C9: variants seen among roughly 807,000 people sequenced by gnomAD.
C9 encodes complement component C9.
A neutral mutation model predicts 65.4 loss-of-function variants in C9; 63 were observed. That is an observed-to-expected ratio of 0.96 (90% CI 0.79 to 1.19). The LOEUF (loss-of-function observed/expected upper bound fraction) is 1.19. Ranked by LOEUF, C9 falls within the 50% of genes most tolerant of loss-of-function variation. The pLI is 0.00. For synonymous variants in C9, 229 were observed against 227.9 expected, an observed-to-expected ratio of 1.00 and a Z score of -0.04; for missense variants, 744 against 670.1, an observed-to-expected ratio of 1.11 and a Z score of -1.22.
At chr5:39,313,238 CT>C (rs1350079076) in intron 6 of C9, among the ~76,000 whole-genome samples, 1 of 152,142 alleles carries the variant, frequency 6.6e-6, no homozygotes, top group Non-Finnish European at 1.5e-5. Flanking sequence ...GTTTTCTATA[CT>C]GTATATTTTG....
chr5:39,310,541 C>T (rs754190739), intron 7 of C9, among the ~76,000 whole-genome samples: 4 of 152,090 alleles, frequency 2.6e-5, no homozygotes, highest in Admixed American at 2.6e-4. Flanking sequence ...TAACCATGGC[C>T]CTTTTCCCCA....
intron 1 of C9, among the ~76,000 whole-genome samples, chr5:39,350,604 G>T (rs1754305048): frequency 6.6e-6 from 1 of 152,190 alleles, no homozygotes; most frequent in Admixed American, 6.5e-5. Context: ...TCAGCCAAGA[G>T]ATAGGGGCTA....
At chr5:39,303,423 A>G (rs1406355893) in intron 9 of C9, among the ~76,000 whole-genome samples, 5 of 151,890 alleles carry the variant, frequency 3.3e-5, no homozygotes. Flanking sequence ...GGGCCTCAAA[A>G]CCACAGGTTC....
intron 9 of C9, among the ~76,000 whole-genome samples, chr5:39,294,011 G>A (rs1343248698): frequency 6.6e-6 from 1 of 151,758 alleles, no homozygotes; most frequent in African/African-American, 2.4e-5. Context: ...TGAAATAAAT[G>A]AAAATAGAAA....
chr5:39,329,442 A>C (rs78474025), intron 5 of C9, among the ~76,000 whole-genome samples: 4,542 of 152,298 alleles, frequency 0.03, 211 homozygotes, highest in African/African-American at 0.1. Flanking sequence ...AAACTGAGGC[A>C]CAATGATGAT....
intron 9 of C9, among the ~76,000 whole-genome samples, chr5:39,306,039 T>C (rs912939101): frequency 1.3e-5 from 2 of 152,072 alleles, no homozygotes; most frequent in Admixed American, 1.3e-4. Flanking sequence ...GGTGCGCATC[T>C]GTAATCCCAG....
chr5:39,342,126 C>T lies in C9; in HGVS notation c.148G>A (p.Glu50Lys). ...AGACAAGGATCGCATTGTGACCATT[C>T]ACTCCAGGGGCTCATTCTGCAGTCT... ...HIDCRMSPWS[E>K]WSQCDPCLRQ... Residue 50 changes from glutamate (E) to lysine (K), a missense_variant, in exon 2 of 11, where the codon GAA (glutamate) becomes AAA (lysine). Glu to Lys is a moderately conservative substitution (Grantham distance 56, BLOSUM62 1). Coordinates refer to ENST00000263408, the MANE Select transcript of C9 (RefSeq NM_001737.5). 1.2e-6 allele frequency: 2 copies of T among 1,608,322 alleles called. No individual in the cohort carries two copies. The highest frequency in any genetic ancestry group is 8.5e-7 in the Non-Finnish European group (1 of 1,174,698).
chr5:39,350,881 G>A (rs1483026827), intron 1 of C9, among the ~76,000 whole-genome samples: 1 of 151,852 alleles, frequency 6.6e-6, no homozygotes, highest in African/African-American at 2.4e-5. Flanking sequence ...AGTTCTACTA[G>A]GCAGTGCCCC....
chr5:39,306,260 C>T (rs1180483926), intron 9 of C9, among the ~76,000 whole-genome samples: 7 of 151,908 alleles, frequency 4.6e-5, no homozygotes, highest in Admixed American at 2.6e-4. Flanking sequence ...AGCCAGGGGC[C>T]GACGGGAGGG....
intron 9 of C9, among the ~76,000 whole-genome samples, chr5:39,297,095 A>G (rs1753197816): frequency 6.6e-6 from 1 of 151,626 alleles, no homozygotes; most frequent in South Asian, 2.1e-4. Context: ...ACATTGTAGG[A>G]TTACTATAGT....
At chr5:39,338,050 G>T (rs1178262460) in intron 4 of C9, among the ~76,000 whole-genome samples, 1 of 152,126 alleles carries the variant, frequency 6.6e-6, no homozygotes, top group South Asian at 2.1e-4. Context: ...AATACTGGAG[G>T]TTTGTAGTGA....
At chr5:39,325,611 A>G (rs1753733922) in intron 5 of C9, among the ~76,000 whole-genome samples, 1 of 152,064 alleles carries the variant, frequency 6.6e-6, no homozygotes, top group Non-Finnish European at 1.5e-5. Context: ...CATCTCTACT[A>G]AAATACAAAA....
At chr5:39,298,006 A>G (rs185688570) in intron 9 of C9, among the ~76,000 whole-genome samples, 2 of 151,910 alleles carry the variant, frequency 1.3e-5, no homozygotes, top group Admixed American at 6.6e-5. Flanking sequence ...AGTTGAAATA[A>G]GTAACAGAAA....
At chr5:39,304,454 C>A (rs2111871524) in intron 9 of C9, among the ~76,000 whole-genome samples, 1 of 152,154 alleles carries the variant, frequency 6.6e-6, no homozygotes, top group South Asian at 2.1e-4. Context: ...TAATTGTCTC[C>A]TGGAAATAGC....
intron 5 of C9, among the ~76,000 whole-genome samples, chr5:39,322,714 C>A (rs10060510): frequency 0.029 from 4,488 of 152,174 alleles, 203 homozygotes; most frequent in African/African-American, 0.1. Flanking sequence ...CATTGGATCA[C>A]AAATGTAGTT....
chr5:39,361,008 T>C (rs1754507426), intron 1 of C9, among the ~76,000 whole-genome samples: 1 of 152,008 alleles, frequency 6.6e-6, no homozygotes, highest in South Asian at 2.1e-4. Context: ...GTGCGAAAGA[T>C]TGGAAACACC....
At chr5:39,316,444 C>T (rs1274750899) in intron 5 of C9, among the ~76,000 whole-genome samples, 3 of 152,172 alleles carry the variant, frequency 2.0e-5, no homozygotes, top group Admixed American at 2.0e-4. Flanking sequence ...CACAGATCAA[C>T]CCATCACCCA....
chr5:39,359,342 C>T (rs545395129), intron 1 of C9, among the ~76,000 whole-genome samples: 1 of 151,762 alleles, frequency 6.6e-6, no homozygotes, highest in African/African-American at 2.4e-5. Context: ...CAATTGGTCA[C>T]TGGGCTCAGG....
chr5:39,337,103 A>G (rs1454567332), intron 4 of C9, among the ~76,000 whole-genome samples: 1 of 152,220 alleles, frequency 6.6e-6, no homozygotes, highest in Non-Finnish European at 1.5e-5. Context: ...TGGGCCTGAC[A>G]GCTTGAATGC....
Sources: gnomAD v4.1 joint callset for allele counts (sites outside exome capture counted in the v4.1 genomes callset) on GRCh38, gnomAD v4.1.1 for gene constraint, MANE v1.5 for transcripts, NCBI Gene and HGNC (gene_info 2026-07-23, HGNC 2026-07-21) for gene names.